DTHD1: variants seen among roughly 807,000 people sequenced by gnomAD.
The protein encoded by DTHD1 is death domain containing 1.
In DTHD1, 59 loss-of-function variants were observed where a neutral mutation model predicts 74.8. The ratio of observed to expected loss-of-function variants is 0.79; its 90% confidence interval spans 0.64 to 0.98. The LOEUF (loss-of-function observed/expected upper bound fraction) is 0.98, where lower values mean the gene tolerates loss of function less well. Among genes scored for constraint, DTHD1 ranks in the 50% least tolerant of loss-of-function variants. The pLI, the probability that DTHD1 is intolerant of heterozygous loss-of-function variation, is 0.00. For synonymous variants in DTHD1, 365 were observed against 371.1 expected (o/e 0.98, Z 0.19); for missense variants, 1,051 against 1,065.4 (o/e 0.99, Z 0.19).
intron 8 of DTHD1, among the ~76,000 whole-genome samples, chr4:36,323,823 A>G (rs541188681): frequency 6.6e-6 from 1 of 152,266 alleles, no homozygotes; most frequent in South Asian, 2.1e-4. Flanking sequence ...CTTGGTAAGT[A>G]GAAATATTAT....
chr4:36,301,840 G>A (rs1288108591), intron 5 of DTHD1, among the ~76,000 whole-genome samples: 2 of 151,762 alleles, frequency 1.3e-5, no homozygotes, highest in African/African-American at 4.8e-5. Context: ...AAACGTTTCT[G>A]TTGGGTTTAA....
At chr4:36,282,365 A>G (rs1317960202) in intron 1 of DTHD1, among the ~76,000 whole-genome samples, 1 of 152,212 alleles carries the variant, frequency 6.6e-6, no homozygotes, top group Non-Finnish European at 1.5e-5. Flanking sequence ...GGAAAGAGAG[A>G]GTCGGTAATT....
At chr4:36,341,096 T>C (rs569813855) in intron 9 of DTHD1, among the ~76,000 whole-genome samples, 51 of 152,248 alleles carry the variant, frequency 3.3e-4, no homozygotes, top group Non-Finnish European at 6.6e-4. Flanking sequence ...AAGAAGGGCA[T>C]AGAATGCCTA....
intron 5 of DTHD1, among the ~76,000 whole-genome samples, chr4:36,295,361 C>T (rs554012764): frequency 6.6e-6 from 1 of 152,088 alleles, no homozygotes; most frequent in African/African-American, 2.4e-5. Flanking sequence ...AAAGACATAC[C>T]TTAGTCCAGA....
At chr4:36,316,180 C>G in intron 7 of DTHD1, 62 bp from the exon 8 acceptor site, 1 of 1,491,158 alleles carries the variant, frequency 6.7e-7, no homozygotes. Context: ...CGTGATCCGC[C>G]TGCCTCGGCC....
chr4:36,312,331 T>C (rs974271529), intron 7 of DTHD1, among the ~76,000 whole-genome samples: 2 of 151,920 alleles, frequency 1.3e-5, no homozygotes, highest in African/African-American at 4.8e-5. Context: ...ATAGGATGTA[T>C]CTCTACATCT....
chr4:36,342,367 G>A (rs1209551632), intron 9 of DTHD1, among the ~76,000 whole-genome samples: 1 of 152,148 alleles, frequency 6.6e-6, no homozygotes, highest in African/African-American at 2.4e-5. Flanking sequence ...AGTAATGGAA[G>A]GCAGATGGAA....
At chr4:36,327,002 T>C (rs1263849994) in intron 8 of DTHD1, among the ~76,000 whole-genome samples, 1 of 151,888 alleles carries the variant, frequency 6.6e-6, no homozygotes, top group East Asian at 1.9e-4. Context: ...AGTCTCGCTC[T>C]GTCACCCAGA....
At chr4:36,291,219 G>A (rs943517807) in intron 3 of DTHD1, among the ~76,000 whole-genome samples, 2 of 152,222 alleles carry the variant, frequency 1.3e-5, no homozygotes, top group African/African-American at 4.8e-5. Flanking sequence ...TAGTTAAGAT[G>A]TGGGCTGTGG....
At chr4:36,324,571 C>A (rs1758229912) in intron 8 of DTHD1, among the ~76,000 whole-genome samples, 1 of 151,800 alleles carries the variant, frequency 6.6e-6, no homozygotes, top group South Asian at 2.1e-4. Flanking sequence ...TTTATTTTTT[C>A]TTCTGTAGAT....
intron 9 of DTHD1, 41 bp from the exon 10 acceptor site, chr4:36,343,461 G>C: frequency 6.6e-7 from 1 of 1,520,510 alleles, no homozygotes; most frequent in Non-Finnish European, 8.9e-7. Context: ...CATCCCCCAG[G>C]AGAGGGTCCT....
intron 1 of DTHD1, 49 bp from the exon 2 acceptor site, chr4:36,283,927 T>A: frequency 8.0e-7 from 1 of 1,251,158 alleles, no homozygotes; most frequent in Non-Finnish European, 1.1e-6. Flanking sequence ...AAACATAATT[T>A]GGTTTAGTTT....
chr4:36,306,392 T>C (rs980888441), intron 6 of DTHD1, 40 bp downstream of exon 6: 2 of 1,500,272 alleles, frequency 1.3e-6, no homozygotes, highest in African/African-American at 2.8e-5. Flanking sequence ...TGATACTCTT[T>C]CTGATGGTCA....
At chr4:36,305,216 G>A (rs1366177606) in intron 5 of DTHD1, among the ~76,000 whole-genome samples, 2 of 152,158 alleles carry the variant, frequency 1.3e-5, no homozygotes, top group South Asian at 2.1e-4. Flanking sequence ...TTAATTCTAT[G>A]ATGTTGGTAC....
Position 36,290,362 on chromosome 4 carries a change from T to TCCCCCCC in DTHD1, c.888-6_888-5insCCCCCCC. 1 of 1,532,942 alleles carries TCCCCCCC rather than the reference T, an allele frequency of 6.5e-7. No individual in the cohort carries two copies. The highest frequency in any genetic ancestry group is 1.7e-4 in the Middle Eastern group (1 of 5,874). 95.0% of individuals were successfully genotyped at this position (1,532,942 alleles called of 1,614,324 possible). A position where few individuals can be genotyped will look rare whatever the true frequency, so the allele number is the denominator to read the frequency against. Reference sequence around the variant, plus strand: ...ATAATTGGAAAAATGACATTCTTTTTCCCCCTCCAGGTATCTTGATGTGCT... The same window carrying TCCCCCCC: ...ATAATTGGAAAAATGACATTCTTTTTCCCCCCCCCCCCTCCAGGTATCTTGATGTGCT... On this transcript the variant is annotated splice_polypyrimidine_tract_variant and intron_variant, in intron 2 of 9. Transcript: ENST00000639862.
At chr4:36,282,954 A>T (rs111577116) in intron 1 of DTHD1, among the ~76,000 whole-genome samples, 226 of 152,322 alleles carry the variant, frequency 1.5e-3, no homozygotes, top group African/African-American at 4.9e-3. Context: ...GGACTTGGTT[A>T]CCAGAATAGG....
Position 36,343,804 on chromosome 4 carries a change from T to G in DTHD1, c.2701T>G (p.Phe901Val). 6.5e-7 allele frequency: 1 copy of G among 1,549,100 alleles called. No homozygotes were observed. Among genetic ancestry groups the G allele is most frequent in the Non-Finnish European group, 8.7e-7 (1 of 1,145,602 alleles). ...NKVFTEPQQC[F>V]DVAPE The stretch of plus-strand genomic sequence containing the variant: ...AGTGTTCACTGAACCACAGCAGTGT[T>G]TTGATGTAGCCCCTGAGTAAAAGCC... Residue 901 changes from phenylalanine (F) to valine (V), a missense_variant, in exon 10 of 10, where the codon TTT becomes GTT. Transcript: ENST00000639862.
chr4:36,316,778 G>T (rs1757764098), intron 8 of DTHD1, among the ~76,000 whole-genome samples: 1 of 152,106 alleles, frequency 6.6e-6, no homozygotes, highest in Admixed American at 6.5e-5. Flanking sequence ...CTGCCTCTGA[G>T]TCACTGGAAA....
At chr4:36,314,816 G>A (rs995377806) in intron 7 of DTHD1, among the ~76,000 whole-genome samples, 5 of 109,646 alleles carry the variant, frequency 4.6e-5, no homozygotes, top group Non-Finnish European at 8.6e-5. Context: ...CTTATCATTT[G>A]CTATCATTGC....
Sources: allele counts gnomAD v4.1 joint callset (sites outside exome capture counted in the v4.1 genomes callset), GRCh38; gene constraint gnomAD v4.1.1; transcripts MANE v1.5; gene names NCBI Gene and HGNC (gene_info 2026-07-23, HGNC 2026-07-21).